Variants in ACAT1 observed in about 807,000 individuals in gnomAD.
ACAT1 encodes the protein acetyl-CoA acetyltransferase, mitochondrial.
A neutral mutation model predicts 47.3 loss-of-function variants in ACAT1; 28 were observed. The observed-to-expected ratio is 0.59, with a 90% confidence interval of 0.44 to 0.81. The LOEUF is 0.81. ACAT1 is among the 30% of genes least tolerant of loss of function. The probability of loss-of-function intolerance (pLI) is 0.00; values close to 1 mark genes in which losing one functional copy is unlikely to be tolerated. For synonymous variants in ACAT1, 181 were observed against 173.6 expected (o/e 1.04, Z -0.34); for missense variants, 469 against 524.3 (o/e 0.89, Z 1.03).
Position 108,147,373 on chromosome 11 carries a change from C to CTAAT in ACAT1, c.1269_1272dup (p.Gln425AsnfsTer36). ...TGGAGGAGGAGGTGCTTCTGCCATG[C>CTAAT]TAATTCAGAAGCTGTAGACAACCTC... On this transcript the variant is annotated frameshift_variant, in exon 12 of 12. Transcript: ENST00000265838. LOFTEE classifies it high-confidence loss of function. 6.2e-7 allele frequency: 1 copy of CTAAT among 1,613,704 alleles called. No homozygotes were observed.
intron 1 of ACAT1, among the ~76,000 whole-genome samples, chr11:108,131,407 A>T (rs1211551495): frequency 1.1e-5 from 1 of 91,556 alleles, no homozygotes; most frequent in Non-Finnish European, 2.1e-5. Context: ...GCTGGAGTGT[A>T]GTCCCAGAAT....
At chr11:108,139,220 G>C in intron 6 of ACAT1, 179 bp downstream of exon 6, 4 of 763,314 alleles carry the variant, frequency 5.2e-6, no homozygotes, top group Non-Finnish European at 8.4e-6. Flanking sequence ...AGTCATTAAA[G>C]AAATTTTCCC....
intron 10 of ACAT1, among the ~76,000 whole-genome samples, chr11:108,145,023 A>G (rs1364970312): frequency 2.0e-5 from 3 of 152,208 alleles, no homozygotes; most frequent in African/African-American, 7.2e-5. Context: ...GAAGAGAGGA[A>G]GATGGAGGAA....
rs7110846 is a variant in ACAT1 at position 108,121,985 on chromosome 11, C to T, written c.72+307C>T. 1.0e-5 allele frequency: 5 copies of T among 492,800 alleles called. No homozygotes were observed. The Admixed American group carries it at 1.4e-4, about 14-fold the overall frequency. The allele number at this position is 492,800 out of a possible 1,614,324, so 30.5% of individuals were successfully genotyped here. A position where few individuals can be genotyped will look rare whatever the true frequency, so the allele number is the denominator to read the frequency against. ...AGGACCGCCAGGATTGGCGCTGGCC[C>T]GGCCTGAGCGGTGGGATCGGGGAGA... On this transcript the variant is annotated intron_variant, in intron 1 of 11. Coordinates refer to ENST00000265838, the MANE Select transcript of ACAT1 (RefSeq NM_000019.4).
In ACAT1 at chr11:108,146,325, A is replaced by G; in HGVS notation, c.1129A>G (p.Asn377Asp). ...GATTGATCCCCAAAAAGTGAATATC[A>G]ATGGAGGAGCTGTTTCTCTGGGACA... ...LEIDPQKVNI[N>D]GGAVSLGHPI... Residue 377 changes from asparagine to aspartate, a missense_variant, in exon 11 of 12, where the codon AAT becomes GAT. Physicochemically the swap from Asn to Asp is conservative, Grantham distance 23. Transcript: ENST00000265838. 6.2e-7 allele frequency: 1 copy of G among 1,614,092 alleles called. No homozygotes were observed. The highest frequency in any genetic ancestry group is 8.5e-7 in the Non-Finnish European group (1 of 1,180,000).
intron 1 of ACAT1, among the ~76,000 whole-genome samples, chr11:108,130,340 G>A (rs12284709): frequency 0.01 from 1,571 of 152,116 alleles, 20 homozygotes; most frequent in African/African-American, 0.034. Flanking sequence ...GGCAGTGACC[G>A]GCATGTTTAC....
At chr11:108,146,111 T>TTATG in intron 10 of ACAT1, 91 bp from the exon 11 acceptor site, 2 of 1,140,198 alleles carry the variant, frequency 1.8e-6, no homozygotes, top group Non-Finnish European at 2.6e-6. Flanking sequence ...TTTAAATAAC[T>TTATG]TATGTCAAAC....
chr11:108,144,066 G>GC lies in ACAT1; in HGVS notation c.1005+20dup, dbSNP rs758470840. On this transcript the variant is annotated intron_variant, in intron 10 of 11. Coordinates refer to ENST00000265838, the MANE Select transcript of ACAT1 (RefSeq NM_000019.4). ...ATCTATGGTGAGAACAAAGTGAGGG[G>GC]CGATACTCCATTATGCTAGCTTCTG... 9 of 1,610,728 alleles carry GC rather than the reference G, an allele frequency of 5.6e-6. No homozygotes were observed. In the Admixed American group the frequency reaches 6.7e-5, roughly 12 times the overall value.
chr11:108,147,035 C>G (rs2077728063), intron 11 of ACAT1, among the ~76,000 whole-genome samples: 2 of 152,126 alleles, frequency 1.3e-5, no homozygotes, highest in Admixed American at 1.3e-4. Context: ...AGCTGAGATT[C>G]TGCCATTGCA....
At chr11:108,124,248 G>A (rs187697123) in intron 1 of ACAT1, among the ~76,000 whole-genome samples, 89 of 152,168 alleles carry the variant, frequency 5.8e-4, no homozygotes, top group Non-Finnish European at 1.0e-3. Flanking sequence ...CTTCCTTCCT[G>A]TTGCTAATTT....
chr11:108,135,396 T>G (rs1447667407), intron 5 of ACAT1, among the ~76,000 whole-genome samples, 154 bp downstream of exon 5: 1 of 152,164 alleles, frequency 6.6e-6, no homozygotes, highest in Non-Finnish European at 1.5e-5. Context: ...ATTTGCTAAG[T>G]CCATTTGAAG....
At chr11:108,145,429 G>C (rs2077684468) in intron 10 of ACAT1, among the ~76,000 whole-genome samples, 1 of 152,170 alleles carries the variant, frequency 6.6e-6, no homozygotes. Flanking sequence ...TGTAATCCCA[G>C]CGCTTTGGGA....
chr11:108,126,403 G>A (rs920649519), intron 1 of ACAT1, among the ~76,000 whole-genome samples: 4 of 152,236 alleles, frequency 2.6e-5, no homozygotes, highest in Admixed American at 2.6e-4. Context: ...GAGCAAGAGT[G>A]ATGTAAATTT....
rs754619277 is a variant in ACAT1 at position 108,141,700 on chromosome 11, GGTTA to G, written c.826+3_826+6del. 9 of 1,608,212 alleles carry G rather than the reference GGTTA, an allele frequency of 5.6e-6. No individual in the cohort carries two copies. In the Admixed American group the frequency reaches 6.7e-5, roughly 12 times the overall value. On this transcript the variant is annotated splice_donor_variant and splice_donor_region_variant and intron_variant, in intron 8 of 11. Transcript: ENST00000265838. LOFTEE classifies it high-confidence loss of function. The stretch of plus-strand genomic sequence containing the variant: ...GAAGACAGTTTTCCAGAAAGAAAAT[GGTTA>G]GTGTTAAGAAATGAAGCATAAGAAA...
At chr11:108,132,235 T>G (rs1449046597) in intron 2 of ACAT1, among the ~76,000 whole-genome samples, 1 of 151,974 alleles carries the variant, frequency 6.6e-6, no homozygotes, top group Non-Finnish European at 1.5e-5. Flanking sequence ...GGACTCGCAT[T>G]GTATTGTGTG....
chr11:108,121,339 G>C, upstream of ACAT1: 1 of 569,832 alleles, frequency 1.8e-6, no homozygotes, highest in Non-Finnish European at 3.2e-6. Flanking sequence ...GTGGACACGG[G>C]AGCCAGCAGC....
Position 108,144,051 on chromosome 11 carries a change from A to T in ACAT1, c.1005+4A>T. 7.2e-7 allele frequency: 1 copy of T among 1,388,132 alleles called. No individual in the cohort carries two copies. The highest frequency in any genetic ancestry group is 9.6e-7 in the Non-Finnish European group (1 of 1,037,982). The allele number at this position is 1,388,132 out of a possible 1,614,324, so 86.0% of individuals were successfully genotyped here. ...TCCTGTATATGCTGCATCTATGGTG[A>T]GAACAAAGTGAGGGGCGATACTCCA... On this transcript the variant is annotated splice_donor_region_variant and intron_variant, in intron 10 of 11. Transcript: ENST00000265838.
chr11:108,147,359 G>C lies in ACAT1; in HGVS notation c.1253G>C (p.Gly418Ala). The change falls in exon 12 of 12, where the codon GGT becomes GCT. Residue 418 changes from glycine (G) to alanine (A), a missense_variant. By Grantham distance (60) the Gly-to-Ala change is moderately conservative (BLOSUM62 0). Transcript: ENST00000265838. The stretch of plus-strand genomic sequence containing the variant: ...GCCAGTATTTGCAATGGAGGAGGAG[G>C]TGCTTCTGCCATGCTAATTCAGAAG... ...GLASICNGGG[G>A]ASAMLIQKL 1.9e-6 allele frequency: 3 copies of C among 1,613,906 alleles called. No homozygotes were observed. Among genetic ancestry groups the C allele is most frequent in the Non-Finnish European group, 2.5e-6 (3 of 1,179,906 alleles).
rs1231760590 is a variant in ACAT1 at position 108,134,329 on chromosome 11, C to CT, written c.334+19dup. On this transcript the variant is annotated intron_variant, in intron 4 of 11. Coordinates refer to ENST00000265838, the MANE Select transcript of ACAT1 (RefSeq NM_000019.4). Reference sequence around the variant, plus strand: ...GTATTGGGTGCAGGTACCTGGAAGACTTTTTTGCTTTTATACTTAAAATGT... The same window carrying CT: ...GTATTGGGTGCAGGTACCTGGAAGACTTTTTTTGCTTTTATACTTAAAATGT... The CT allele has an allele frequency of 5.0e-6, 8 of 1,605,622 alleles. No individual in the cohort carries two copies. Among genetic ancestry groups the CT allele is most frequent in the Non-Finnish European group, 6.8e-6 (8 of 1,173,212 alleles).
Sources: allele counts gnomAD v4.1 joint callset (sites outside exome capture counted in the v4.1 genomes callset), GRCh38; gene constraint gnomAD v4.1.1; transcripts MANE v1.5; gene names NCBI Gene and HGNC (gene_info 2026-07-23, HGNC 2026-07-21).